Variants in SV2B observed in about 807,000 individuals in gnomAD.
SV2B encodes the protein solute carrier family 22 member B2.
SV2B carries 41 observed loss-of-function variants against 73.9 expected under a neutral mutation model. The observed-to-expected ratio is 0.56, with a 90% CI of 0.43 to 0.72. The LOEUF (loss-of-function observed/expected upper bound fraction) is 0.72. Among genes scored for constraint, SV2B ranks in the 30% least tolerant of loss-of-function variants. SV2B has a pLI of 0.00. For missense variants in SV2B, 764 were observed against 857.8 expected, an observed-to-expected ratio of 0.89 and a Z score of 1.37; for synonymous variants, 314 against 314.2, an observed-to-expected ratio of 1.00 and a Z score of 0.01.
chr15:91,265,966 C>A lies in SV2B; in HGVS notation c.1009-616C>A, dbSNP rs2048085260. On this transcript the variant is annotated intron_variant, in intron 6 of 12. Coordinates refer to ENST00000394232, the MANE Select transcript of SV2B (RefSeq NM_001323032.3). This position sits in a 1 kb window ranked among gnomAD's most constrained non-coding sequence, Gnocchi z 4.2. ...GACCATCCTGGCCAACATGGTGAAA[C>A]CCTGTCTCTATTAAAAAATACAAAA... is the stretch of plus-strand genomic sequence containing the variant. Among the ~76,000 whole-genome samples the A allele has an allele frequency of 6.6e-6, 1 of 152,162 alleles. No individual in the cohort carries two copies. The highest frequency in any genetic ancestry group is 1.5e-5 in the Non-Finnish European group (1 of 68,036).
At chr15:91,146,510 A>C (rs985550933) in intron 1 of SV2B, among the ~76,000 whole-genome samples, 10 of 152,332 alleles carry the variant, frequency 6.6e-5, no homozygotes, top group African/African-American at 2.4e-4. Context: ...TAGGAATAGC[A>C]TTGAATCTAT....
intron 9 of SV2B, among the ~76,000 whole-genome samples, chr15:91,272,179 T>C (rs1468305274): frequency 6.6e-6 from 1 of 152,168 alleles, no homozygotes; most frequent in Non-Finnish European, 1.5e-5. Flanking sequence ...AAGCTTTTGC[T>C]TCAAAACCTG....
chr15:91,169,578 C>T (rs1391546047), intron 1 of SV2B, among the ~76,000 whole-genome samples: 2 of 152,124 alleles, frequency 1.3e-5, no homozygotes. Flanking sequence ...GTATGTGCAC[C>T]AGGCAGCATT....
intron 2 of SV2B, among the ~76,000 whole-genome samples, chr15:91,237,882 A>T (rs918302408): frequency 6.6e-6 from 1 of 152,210 alleles, no homozygotes; most frequent in Non-Finnish European, 1.5e-5. Flanking sequence ...CAGATTTTCA[A>T]TGGTTTTCCT....
rs115769381 is a variant in SV2B at position 91,235,487 on chromosome 15, A to G, written c.451+8773A>G. On this transcript the variant is annotated intron_variant, in intron 2 of 12. Transcript: ENST00000394232. ...CAACCAACCAACCACCTAGCCAGCC[A>G]ACCAAAAAGCAAGCTCCGTACTCTC... Among the ~76,000 whole-genome samples the G allele has an allele frequency of 3.2e-3, 483 of 152,298 alleles. 8 individuals are homozygous for G. The highest frequency in any genetic ancestry group is 0.011 in the African/African-American group (468 of 41,564).
chr15:91,186,260 A>G (rs1049387909), intron 1 of SV2B, among the ~76,000 whole-genome samples: 17 of 152,186 alleles, frequency 1.1e-4, no homozygotes, highest in East Asian at 3.9e-4. Context: ...TGGCAGCTCA[A>G]TGTCATAAAC....
In SV2B at chr15:91,137,673, C is replaced by CAT. The variant is rs929111214; in HGVS notation, c.-392+37320_-392+37321dup. Among the ~76,000 whole-genome samples, 17 of 138,466 alleles carry CAT rather than the reference C, an allele frequency of 1.2e-4. No homozygotes were observed. Among genetic ancestry groups the CAT allele is most frequent in the African/African-American group, 2.6e-4 (10 of 38,026 alleles). The allele number at this position is 138,466 out of a possible 152,430, so 90.8% of individuals were successfully genotyped here. ...ATATATTTCATATATACATATATTT[C>CAT]ATATATATATACACACACACACACA... On this transcript the variant is annotated intron_variant, in intron 1 of 12. Coordinates refer to ENST00000394232, the MANE Select transcript of SV2B (RefSeq NM_001323032.3). The surrounding 1 kb of genome is among the most constrained non-coding windows in gnomAD (Gnocchi z 4.9).
intron 9 of SV2B, among the ~76,000 whole-genome samples, chr15:91,279,716 G>C (rs1392398929): frequency 3.9e-5 from 6 of 152,128 alleles, no homozygotes. Context: ...TATCACCCAA[G>C]GCTACATCAG....
Position 91,249,544 on chromosome 15 carries a change from T to C in SV2B, c.452-2275T>C, listed in dbSNP as rs556740808. On this transcript the variant is annotated intron_variant, in intron 2 of 12. Transcript: ENST00000394232. ...AGAGAAGGAATCTAACAAATGCTTA[T>C]CTGTAAAGAGCAGCAAAGTGTAATA... Among the ~76,000 whole-genome samples, 12 of 152,344 alleles carry C rather than the reference T, an allele frequency of 7.9e-5. No homozygotes were observed. The South Asian group carries it at 2.3e-3, about 29-fold the overall frequency.
chr15:91,209,379 C>T (rs1347612553), intron 1 of SV2B, among the ~76,000 whole-genome samples: 1 of 152,112 alleles, frequency 6.6e-6, no homozygotes, highest in Non-Finnish European at 1.5e-5. Flanking sequence ...ACCTCGGCCT[C>T]CCAAAGTGCT....
chr15:91,289,761 C>CACAGCATGAGA lies in SV2B; in HGVS notation c.1868+81_1868+82insACAGCATGAGA. 1 of 1,432,826 alleles carries CACAGCATGAGA rather than the reference C, an allele frequency of 7.0e-7. No homozygotes were observed. The highest frequency in any genetic ancestry group is 9.4e-7 in the Non-Finnish European group (1 of 1,058,848). 88.8% of individuals were successfully genotyped at this position (1,432,826 alleles called of 1,614,324 possible). A position where few individuals can be genotyped will look rare whatever the true frequency, so the allele number is the denominator to read the frequency against. On this transcript the variant is annotated intron_variant, in intron 12 of 12. Coordinates refer to ENST00000394232, the MANE Select transcript of SV2B (RefSeq NM_001323032.3). The surrounding 1 kb of genome is among the most constrained non-coding windows in gnomAD (Gnocchi z 4.9). Reference sequence around the variant, plus strand: ...GTCTACCTGCTCCCTAAATCTCATGCTGTGCATGGCCATCGTGGTCTTTCT... The same window carrying CACAGCATGAGA: ...GTCTACCTGCTCCCTAAATCTCATGCACAGCATGAGATGTGCATGGCCATCGTGGTCTTTCT...
rs150577068 is a variant in SV2B at position 91,257,738 on chromosome 15, C to G, written c.785-683C>G. 3.1e-3 allele frequency among the ~76,000 whole-genome samples: 467 copies of G among 152,290 alleles called. 1 individual carries two copies. The highest frequency in any genetic ancestry group is 0.017 in the Middle Eastern group (5 of 294). On this transcript the variant is annotated intron_variant, in intron 4 of 12. Coordinates refer to ENST00000394232, the MANE Select transcript of SV2B (RefSeq NM_001323032.3). The stretch of plus-strand genomic sequence containing the variant: ...CGTATGAGGCCCTGCTCTGGCCTTC[C>G]TCTGGCTGCACCCCTTCCCATAAGG...
In SV2B at chr15:91,105,490, G is replaced by T. The variant is rs1352360326; in HGVS notation, c.-392+5127G>T. 6.6e-6 allele frequency among the ~76,000 whole-genome samples: 1 copy of T among 152,212 alleles called. No individual in the cohort carries two copies. The highest frequency in any genetic ancestry group is 1.9e-4 in the East Asian group (1 of 5,200). On this transcript the variant is annotated intron_variant, in intron 1 of 12. Transcript: ENST00000394232. This position sits in a 1 kb window ranked among gnomAD's most constrained non-coding sequence, Gnocchi z 5.5. The stretch of plus-strand genomic sequence containing the variant: ...GAAGGAACTGAACGAGACAGGGTGA[G>T]CGTGGGAGAAGAGATCAGAGAAGTA...
At chr15:91,263,806 TCTC>T (rs2048011230) in intron 6 of SV2B, among the ~76,000 whole-genome samples, 1 of 152,292 alleles carries the variant, frequency 6.6e-6, no homozygotes, top group Admixed American at 6.5e-5. Flanking sequence ...AGTGCAGCCT[TCTC>T]CTTCCTTTCT....
chr15:91,249,337 C>A (rs2047388500), intron 2 of SV2B, among the ~76,000 whole-genome samples: 1 of 152,178 alleles, frequency 6.6e-6, no homozygotes, highest in African/African-American at 2.4e-5. Flanking sequence ...TGAATTATAT[C>A]CAAGGTTTGC....
intron 6 of SV2B, among the ~76,000 whole-genome samples, chr15:91,266,064 A>G (rs2048089610): frequency 6.6e-6 from 1 of 152,150 alleles, no homozygotes; most frequent in Admixed American, 6.5e-5. Context: ...AATCGTTTGA[A>G]CCTGGGAGGC....
rs1288291792 is a variant in SV2B, at chr15:91,236,749, C to CAGA, written c.451+10035_451+10036insAGA. On this transcript the variant is annotated intron_variant, in intron 2 of 12. Coordinates refer to ENST00000394232, the MANE Select transcript of SV2B (RefSeq NM_001323032.3). The surrounding 1 kb of genome is among the most constrained non-coding windows in gnomAD (Gnocchi z 4.1). Reference sequence around the variant, plus strand: ...ATCTGCAGTCTGGGCAGACACCTGGCCCCTATTCCACTTGACATTACCTGG... The same window carrying CAGA: ...ATCTGCAGTCTGGGCAGACACCTGGCAGACCCTATTCCACTTGACATTACCTGG... Among the ~76,000 whole-genome samples, 53 of 152,264 alleles carry CAGA rather than the reference C, an allele frequency of 3.5e-4. No homozygotes were observed. Among genetic ancestry groups the CAGA allele is most frequent in the African/African-American group, 9.4e-4 (39 of 41,562 alleles).
In SV2B at chr15:91,149,610, T is replaced by A. The variant is rs116534167; in HGVS notation, c.-392+49247T>A. Among the ~76,000 whole-genome samples, 571 of 152,332 alleles carry A rather than the reference T, an allele frequency of 3.7e-3. 5 individuals are homozygous for A. Among genetic ancestry groups the A allele is most frequent in the African/African-American group, 0.013 (540 of 41,582 alleles). ...GGGAGCCACGCTCTTAGTCTCTCCA[T>A]CTTGGACATGGTTTGGCACTTAAAG... On this transcript the variant is annotated intron_variant, in intron 1 of 12. Coordinates refer to ENST00000394232, the MANE Select transcript of SV2B (RefSeq NM_001323032.3).
At chr15:91,217,990 A>G (rs1036854015) in intron 1 of SV2B, among the ~76,000 whole-genome samples, 7 of 152,234 alleles carry the variant, frequency 4.6e-5, no homozygotes, top group Admixed American at 1.3e-4. Flanking sequence ...GACCATCTCA[A>G]TTAGGATGGG....
Sources: allele counts gnomAD v4.1 joint callset (sites outside exome capture counted in the v4.1 genomes callset), GRCh38; gene constraint gnomAD v4.1.1; non-coding constraint Gnocchi (gnomAD v3.1); transcripts MANE v1.5; gene names NCBI Gene and HGNC (gene_info 2026-07-23, HGNC 2026-07-21).